Variants in RTN3 observed in about 807,000 individuals in gnomAD.
The protein encoded by RTN3 is reticulon 3, also known as reticulon-3.
A neutral mutation model predicts 77.8 loss-of-function variants in RTN3; 49 were observed. The ratio of observed to expected loss-of-function variants is 0.63; its 90% CI spans 0.50 to 0.80. RTN3 has a LOEUF of 0.80. RTN3 is among the 30% of genes least tolerant of loss of function. The pLI is 0.00. For synonymous variants in RTN3, 464 were observed against 446.9 expected, an observed-to-expected ratio of 1.04 and a Z score of -0.48; for missense variants, 1,236 against 1,211.9, an observed-to-expected ratio of 1.02 and a Z score of -0.29.
chr11:63,749,150 C>T (rs924719694), intron 3 of RTN3, among the ~76,000 whole-genome samples: 3 of 152,140 alleles, frequency 2.0e-5, no homozygotes, highest in African/African-American at 7.2e-5. Flanking sequence ...CATGGTGGCA[C>T]ATACCTGTAG....
chr11:63,717,303 C>CT (rs1486688895), intron 2 of RTN3, among the ~76,000 whole-genome samples: 1 of 149,468 alleles, frequency 6.7e-6, no homozygotes, highest in Non-Finnish European at 1.5e-5. Flanking sequence ...ATGGTATTAA[C>CT]TGATAAGACT....
chr11:63,744,936 G>A (rs1223413346), intron 3 of RTN3, among the ~76,000 whole-genome samples: 1 of 152,148 alleles, frequency 6.6e-6, no homozygotes, highest in East Asian at 1.9e-4. Flanking sequence ...AGGTTGCAAT[G>A]GGTCAAGATT....
chr11:63,737,308 T>C (rs2013191641), intron 3 of RTN3, among the ~76,000 whole-genome samples: 3 of 152,252 alleles, frequency 2.0e-5, no homozygotes, highest in South Asian at 4.1e-4. Context: ...ACACTAACCA[T>C]AAAATTAAAG....
In RTN3 at chr11:63,758,536, C is replaced by T; in HGVS notation, c.*335C>T. ...AGAAAATGAAAGAACACCTCTGGGT[C>T]CTTCTGTCCAGTTTTCAGCACTAGT... On this transcript the variant is annotated 3_prime_UTR_variant, in exon 9 of 9. Coordinates refer to ENST00000377819, the MANE Select transcript of RTN3 (RefSeq NM_001265589.2). 1.8e-6 allele frequency: 1 copy of T among 549,564 alleles called. No individual in the cohort carries two copies. The highest frequency in any genetic ancestry group is 3.1e-6 in the Non-Finnish European group (1 of 320,012). The allele number at this position is 549,564 out of a possible 1,614,324, so 34.0% of individuals were successfully genotyped here.
chr11:63,733,514 T>C (rs1209064), intron 3 of RTN3, among the ~76,000 whole-genome samples: 2,706 of 150,994 alleles, frequency 0.018, 87 homozygotes, highest in African/African-American at 0.061. Context: ...GGATAATCAA[T>C]ATAATTCACC....
intron 3 of RTN3, among the ~76,000 whole-genome samples, chr11:63,727,317 A>G (rs1424598745): frequency 6.6e-6 from 1 of 152,250 alleles, no homozygotes; most frequent in African/African-American, 2.4e-5. Flanking sequence ...AAGAAATTAT[A>G]ACTCAGTCTG....
intron 3 of RTN3, 37 bp downstream of exon 3, chr11:63,721,069 T>TAG: frequency 2.0e-6 from 3 of 1,514,574 alleles, no homozygotes; most frequent in Non-Finnish European, 2.7e-6. Context: ...TGTGGTTAAT[T>TAG]CTGTGATTGA....
intron 3 of RTN3, among the ~76,000 whole-genome samples, chr11:63,739,242 A>C (rs939281449): frequency 1.3e-5 from 2 of 152,136 alleles, no homozygotes; most frequent in Non-Finnish European, 2.9e-5. Context: ...AAGAGAAAAA[A>C]GTAAGGTCCT....
chr11:63,707,780 G>A (rs1162318864), intron 2 of RTN3, among the ~76,000 whole-genome samples: 1 of 152,136 alleles, frequency 6.6e-6, no homozygotes, highest in Non-Finnish European at 1.5e-5. Context: ...GTTGCAGTGA[G>A]CCGAGATCAC....
At position 63,750,066 on chromosome 11, in the gene RTN3, C is replaced by T; in HGVS notation, c.2606C>T (p.Ser869Phe). Residue 869 changes from serine to phenylalanine, a missense_variant, in exon 4 of 9, where the codon TCC becomes TTC. Physicochemically the swap from Ser to Phe is radical, Grantham distance 155 (BLOSUM62 -2). Transcript: ENST00000377819. ...GGCACCACGCTGATCATGCTGCTTT[C>T]CCTGGCAGCTTTCAGTGTCATCAGT... Reference protein sequence around the residue: ...VFGTTLIMLLSLAAFSVISVV... With the variant: ...VFGTTLIMLLFLAAFSVISVV... The T allele has an allele frequency of 6.2e-7, 1 of 1,613,660 alleles. No homozygotes were observed. Among genetic ancestry groups the T allele is most frequent in the Non-Finnish European group, 8.5e-7 (1 of 1,179,672 alleles).
chr11:63,729,400 A>C (rs955363826), intron 3 of RTN3, among the ~76,000 whole-genome samples: 1 of 150,768 alleles, frequency 6.6e-6, no homozygotes, highest in Non-Finnish European at 1.5e-5. Flanking sequence ...ACAGAAAAAA[A>C]CGAGTATATG....
chr11:63,707,074 T>G (rs1412362403), intron 2 of RTN3, among the ~76,000 whole-genome samples: 2 of 152,016 alleles, frequency 1.3e-5, no homozygotes, highest in Admixed American at 6.6e-5. Context: ...AATTTTTGCA[T>G]TTTTAGTAGA....
intron 1 of RTN3, among the ~76,000 whole-genome samples, chr11:63,701,875 G>T (rs1294545611): frequency 6.6e-6 from 1 of 152,160 alleles, no homozygotes; most frequent in Non-Finnish European, 1.5e-5. Context: ...AGCCCAGGAG[G>T]TCAAGGATGC....
Position 63,750,228 on chromosome 11 carries a change from A to G in RTN3, c.2738+30A>G, listed in dbSNP as rs1398606287. ...GTTGAAGTCTTAAAAGCAACATTCTACATTTTAGTGGAAGGGTTCACTGAA... is the reference window on the plus strand; with the variant it reads ...GTTGAAGTCTTAAAAGCAACATTCTGCATTTTAGTGGAAGGGTTCACTGAA... On this transcript the variant is annotated intron_variant, in intron 4 of 8. Coordinates refer to ENST00000377819, the MANE Select transcript of RTN3 (RefSeq NM_001265589.2). 6.4e-6 allele frequency: 10 copies of G among 1,567,786 alleles called. No homozygotes were observed. In the South Asian group the frequency reaches 6.8e-5, roughly 11 times the overall value.
intron 2 of RTN3, among the ~76,000 whole-genome samples, chr11:63,711,201 A>G (rs1453824380): frequency 2.0e-5 from 3 of 151,792 alleles, no homozygotes; most frequent in African/African-American, 7.3e-5. Context: ...AATCACTTGA[A>G]CCGGGGAGGT....
At chr11:63,734,752 CACACACACACACACACACACACACACACA>C (rs2012954886) in intron 3 of RTN3, among the ~76,000 whole-genome samples, 1 of 149,098 alleles carries the variant, frequency 6.7e-6, no homozygotes, top group Non-Finnish European at 1.5e-5. Context: ...CACACACACA[CACACACACACACACACACACACACACACA>C]CCATACTGGA....
At chr11:63,711,285 A>G (rs2011154028) in intron 2 of RTN3, among the ~76,000 whole-genome samples, 2 of 151,892 alleles carry the variant, frequency 1.3e-5, no homozygotes, top group East Asian at 1.9e-4. Flanking sequence ...GACTGTCTCA[A>G]AAAAAAAGGA....
chr11:63,682,947 A>G (rs989568370), intron 1 of RTN3, among the ~76,000 whole-genome samples: 2 of 152,170 alleles, frequency 1.3e-5, no homozygotes, highest in African/African-American at 4.8e-5. Context: ...TCGGGAGAGT[A>G]GAGATAATTT....
At chr11:63,705,056 T>G (rs1452031597) in intron 2 of RTN3, 149 bp downstream of exon 2, 1 of 698,312 alleles carries the variant, frequency 1.4e-6, no homozygotes, top group Non-Finnish European at 2.5e-6. Context: ...TTTAGCAGTT[T>G]CCAGTGGGTT....
Sources: allele counts gnomAD v4.1 joint callset (sites outside exome capture counted in the v4.1 genomes callset), GRCh38; gene constraint gnomAD v4.1.1; transcripts MANE v1.5; gene names NCBI Gene and HGNC (gene_info 2026-07-23, HGNC 2026-07-21).